NTM: variants seen among roughly 807,000 people sequenced by gnomAD.
The protein encoded by NTM is IgLON family member 2.
NTM carries 13 observed loss-of-function variants against 42.1 expected under a neutral mutation model. The observed-to-expected ratio is 0.31, with a 90% CI of 0.20 to 0.49. The LOEUF (loss-of-function observed/expected upper bound fraction) is 0.49. Ranked by LOEUF, NTM falls within the 20% of genes least tolerant of loss-of-function variation. The pLI is 0.99. For synonymous variants in NTM, 187 were observed against 179.2 expected (o/e 1.04, Z -0.35); for missense variants, 373 against 452.8 (o/e 0.82, Z 1.60).
At chr11:132,092,841 A>G (rs2060527656) in intron 2 of NTM, among the ~76,000 whole-genome samples, 1 of 152,210 alleles carries the variant, frequency 6.6e-6, no homozygotes, top group South Asian at 2.1e-4. Flanking sequence ...CAAGTCCTCC[A>G]TTTTGACTTC....
intron 1 of NTM, among the ~76,000 whole-genome samples, chr11:131,651,718 G>A (rs2066502893): frequency 6.6e-6 from 1 of 152,090 alleles, no homozygotes; most frequent in African/African-American, 2.4e-5. Flanking sequence ...GCCCACTCCT[G>A]TACTCCCAGC....
At chr11:131,874,478 A>G (rs1252307723) in intron 1 of NTM, among the ~76,000 whole-genome samples, 1 of 152,200 alleles carries the variant, frequency 6.6e-6, no homozygotes, top group Non-Finnish European at 1.5e-5. Context: ...ACACCGTATG[A>G]AACACATTTT....
At chr11:132,075,386 C>T (rs556530858) in intron 2 of NTM, among the ~76,000 whole-genome samples, 1 of 152,270 alleles carries the variant, frequency 6.6e-6, no homozygotes, top group Admixed American at 6.5e-5. Flanking sequence ...TTTTGTAAAA[C>T]TAAGGTGCAA....
chr11:131,713,780 G>T (rs1261392476), intron 1 of NTM, among the ~76,000 whole-genome samples: 1 of 152,182 alleles, frequency 6.6e-6, no homozygotes, highest in Non-Finnish European at 1.5e-5. Context: ...AGACTGAGGG[G>T]CATAAGGCAG....
At chr11:131,588,032 A>G (rs886537257) in intron 1 of NTM, among the ~76,000 whole-genome samples, 1 of 152,232 alleles carries the variant, frequency 6.6e-6, no homozygotes, top group African/African-American at 2.4e-5. Flanking sequence ...ACTGTTCTAA[A>G]TGATTGTCAT....
chr11:131,794,623 T>TTGAATGAA lies in NTM; in HGVS notation c.83-116925_83-116918dup, dbSNP rs112964113. On this transcript the variant is annotated intron_variant, in intron 1 of 8. Transcript: ENST00000683400. Reference sequence around the variant, plus strand: ...ACACAAAATAAGTGCTGGATGAGTGTTGAATGAATGAATGAATGAATGAGT... The same window carrying TTGAATGAA: ...ACACAAAATAAGTGCTGGATGAGTGTTGAATGAATGAATGAATGAATGAATGAATGAGT... The TTGAATGAA allele has an allele frequency of 4.5e-3, 4,250 of 940,686 alleles. 17 individuals are homozygous for TTGAATGAA. Among genetic ancestry groups the TTGAATGAA allele is most frequent in the Admixed American group, 0.01 (164 of 16,150 alleles). 58.3% of individuals were successfully genotyped at this position (940,686 alleles called of 1,614,324 possible). A position where few individuals can be genotyped will look rare whatever the true frequency, so the allele number is the denominator to read the frequency against.
chr11:132,156,149 A>G (rs908444594), intron 3 of NTM, among the ~76,000 whole-genome samples: 2 of 152,114 alleles, frequency 1.3e-5, no homozygotes, highest in Non-Finnish European at 2.9e-5. Flanking sequence ...CCAAATCTGG[A>G]GGTTCCTCAA....
At chr11:131,715,326 A>C (rs1225375008) in intron 1 of NTM, among the ~76,000 whole-genome samples, 1 of 152,212 alleles carries the variant, frequency 6.6e-6, no homozygotes, top group Non-Finnish European at 1.5e-5. Context: ...ATACTTCCCA[A>C]AGGCAAGTCA....
intron 2 of NTM, among the ~76,000 whole-genome samples, chr11:132,087,691 A>T (rs139540864): frequency 5.5e-4 from 83 of 152,164 alleles, no homozygotes; most frequent in Non-Finnish European, 8.1e-4. Context: ...AGAAAGAAAA[A>T]CCTCTCACAT....
Position 131,612,061 on chromosome 11 carries a change from TGCCACCACATCCTAAGGGGAAAGCCA to T in NTM, c.82+241191_82+241216del, listed in dbSNP as rs1281096992. Reference sequence around the variant, plus strand: ...AGGTCATAGACAGTATTATCACATTTGCCACCACATCCTAAGGGGAAAGCCAGCCACCACATCCTAAGGACATTTGA... The same window carrying T: ...AGGTCATAGACAGTATTATCACATTTGCCACCACATCCTAAGGACATTTGA... On this transcript the variant is annotated intron_variant, in intron 1 of 8. Transcript: ENST00000683400. Among the ~76,000 whole-genome samples the T allele has an allele frequency of 4.6e-5, 7 of 152,202 alleles. No individual in the cohort carries two copies. In the East Asian group the frequency reaches 7.7e-4, roughly 17 times the overall value.
chr11:131,465,316 T>C (rs1177351284), intron 1 of NTM, among the ~76,000 whole-genome samples: 1 of 152,162 alleles, frequency 6.6e-6, no homozygotes, highest in Non-Finnish European at 1.5e-5. Context: ...CCCACACACG[T>C]ACCATAGCCC....
At chr11:131,814,305 C>T (rs995246318) in intron 1 of NTM, among the ~76,000 whole-genome samples, 1 of 152,144 alleles carries the variant, frequency 6.6e-6, no homozygotes, top group African/African-American at 2.4e-5. Flanking sequence ...GCCTAGTTTA[C>T]TTCCCCTTCC....
chr11:131,391,620 A>G (rs2135592573), intron 1 of NTM, among the ~76,000 whole-genome samples: 1 of 141,772 alleles, frequency 7.1e-6, no homozygotes, highest in African/African-American at 2.6e-5. Context: ...GGAATTTGAA[A>G]TCAGTCAAAT....
intron 1 of NTM, among the ~76,000 whole-genome samples, chr11:131,460,922 T>C (rs1313998808): frequency 6.6e-6 from 1 of 152,226 alleles, no homozygotes; most frequent in Admixed American, 6.5e-5. Context: ...CAGAGGATAT[T>C]CAAGTATTGA....
chr11:131,602,672 C>T (rs147914509), intron 1 of NTM, among the ~76,000 whole-genome samples: 1 of 152,296 alleles, frequency 6.6e-6, no homozygotes, highest in East Asian at 1.9e-4. Context: ...GTTCTAGACT[C>T]ACACATCCAT....
chr11:131,822,613 G>A (rs2093237871), intron 1 of NTM, among the ~76,000 whole-genome samples: 1 of 152,026 alleles, frequency 6.6e-6, no homozygotes, highest in Non-Finnish European at 1.5e-5. Flanking sequence ...CTGATAAGGG[G>A]AAGGAAGGTA....
chr11:132,004,605 T>TTCTCTCTCTCTCTCTCTCTCTC (rs71480226), intron 2 of NTM, among the ~76,000 whole-genome samples: 10 of 144,028 alleles, frequency 6.9e-5, no homozygotes, highest in Non-Finnish European at 1.5e-4. Context: ...CTTTCTCTCT[T>TTCTCTCTCTCTCTCTCTCTCTC]TCTCTCTCTC....
At chr11:131,667,783 C>A (rs1565398312) in intron 1 of NTM, among the ~76,000 whole-genome samples, 1 of 152,220 alleles carries the variant, frequency 6.6e-6, no homozygotes, top group African/African-American at 2.4e-5. Flanking sequence ...CATGGACGCC[C>A]TCCCCACATG....
chr11:131,789,478 GAAGAAGAAGAA>G lies in NTM; in HGVS notation c.83-122085_83-122075del, dbSNP rs2090021801. On this transcript the variant is annotated intron_variant, in intron 1 of 8. Coordinates refer to ENST00000683400, the MANE Select transcript of NTM (RefSeq NM_001352005.2). Reference sequence around the variant, plus strand: ...AGAAGAAGAAGAAGAAGAAGAAGAAGAAGAAGAAGAAGAGGAAAGAAGAAGAAGAAGAAGAA... The same window carrying G: ...AGAAGAAGAAGAAGAAGAAGAAGAAGGAGGAAAGAAGAAGAAGAAGAAGAA... Among the ~76,000 whole-genome samples, 2 of 10,922 alleles carry G rather than the reference GAAGAAGAAGAA, an allele frequency of 1.8e-4. 1 individual carries two copies. Among genetic ancestry groups the G allele is most frequent in the Non-Finnish European group, 3.7e-4 (2 of 5,432 alleles). The allele number at this position is 10,922 out of a possible 152,430, so 7.2% of individuals were successfully genotyped here.
Sources: allele counts gnomAD v4.1 joint callset (sites outside exome capture counted in the v4.1 genomes callset), GRCh38; gene constraint gnomAD v4.1.1; transcripts MANE v1.5; gene names NCBI Gene and HGNC (gene_info 2026-07-23, HGNC 2026-07-21).